The following DNM3 variants were observed in gnomAD, a reference collection of about 807,000 sequenced individuals.
DNM3 encodes dynamin 3.
A neutral mutation model predicts 101.6 loss-of-function variants in DNM3; 47 were observed. The ratio of observed to expected loss-of-function variants is 0.46; its 90% CI spans 0.37 to 0.59. DNM3 has a LOEUF of 0.59. DNM3 is among the 20% of genes least tolerant of loss of function. The pLI is 0.00. For missense variants in DNM3, 849 were observed against 1,085.7 expected, an observed-to-expected ratio of 0.78 and a Z score of 3.06; for synonymous variants, 385 against 387.9, an observed-to-expected ratio of 0.99 and a Z score of 0.09.
chr1:171,969,673 A>C (rs564835863), intron 2 of DNM3, among the ~76,000 whole-genome samples: 1 of 152,312 alleles, frequency 6.6e-6, no homozygotes, highest in Non-Finnish European at 1.5e-5. Context: ...TCAGCAAAAA[A>C]AGATTAAAGA....
chr1:171,882,758 G>C (rs577760337), intron 1 of DNM3, among the ~76,000 whole-genome samples: 1 of 152,008 alleles, frequency 6.6e-6, no homozygotes, highest in South Asian at 2.1e-4. Flanking sequence ...TATGCCACTT[G>C]TTTTATAGAC....
At chr1:172,179,650 T>G (rs2059275152) in intron 14 of DNM3, among the ~76,000 whole-genome samples, 1 of 151,816 alleles carries the variant, frequency 6.6e-6, no homozygotes, top group Non-Finnish European at 1.5e-5. Context: ...GGATCATTTC[T>G]GCTTGGATTA....
chr1:171,869,556 T>G (rs1268796951), intron 1 of DNM3, among the ~76,000 whole-genome samples: 1 of 152,260 alleles, frequency 6.6e-6, no homozygotes, highest in Non-Finnish European at 1.5e-5. Context: ...CCTGTACTAA[T>G]ATCCATATAG....
At chr1:172,251,686 A>C (rs1231395944) in intron 14 of DNM3, among the ~76,000 whole-genome samples, 1 of 152,128 alleles carries the variant, frequency 6.6e-6, no homozygotes, top group East Asian at 1.9e-4. Flanking sequence ...ACTTCTATAG[A>C]AAACAAGCCA....
intron 7 of DNM3, among the ~76,000 whole-genome samples, chr1:172,039,713 C>T (rs1361232106): frequency 6.6e-6 from 1 of 151,984 alleles, no homozygotes; most frequent in East Asian, 1.9e-4. Context: ...GATTCAGCTC[C>T]TTCTTTATGG....
intron 17 of DNM3, among the ~76,000 whole-genome samples, chr1:172,354,923 G>A (rs2067374649): frequency 6.6e-6 from 1 of 152,132 alleles, no homozygotes; most frequent in African/African-American, 2.4e-5. Flanking sequence ...AGTGAAAATG[G>A]TGAATCAAGA....
chr1:172,068,798 C>T lies in DNM3; in HGVS notation c.1336-21C>T, dbSNP rs750761436. On this transcript the variant is annotated intron_variant, in intron 10 of 20. Coordinates refer to ENST00000627582, the MANE Select transcript of DNM3 (RefSeq NM_015569.5). ...GTGTAACTTTTTGAGTATTAATACT[C>T]AGATCTGCTTTTCTTGACAGCTGGC... 2.1e-5 allele frequency: 33 copies of T among 1,551,530 alleles called. No individual in the cohort carries two copies. In the East Asian group the frequency reaches 7.9e-4, roughly 37 times the overall value.
chr1:172,072,748 A>T (rs571608582), intron 11 of DNM3, among the ~76,000 whole-genome samples: 36 of 152,306 alleles, frequency 2.4e-4, no homozygotes, highest in African/African-American at 8.4e-4. Flanking sequence ...TTAACTGGGC[A>T]TGATGGCAGG....
chr1:172,037,298 C>T (rs1264635469), intron 6 of DNM3, among the ~76,000 whole-genome samples: 1 of 152,094 alleles, frequency 6.6e-6, no homozygotes, highest in Non-Finnish European at 1.5e-5. Flanking sequence ...GGGTATATAC[C>T]CAAAGGACTA....
Position 172,085,637 on chromosome 1 carries a change from A to G in DNM3, c.1493+3735A>G, listed in dbSNP as rs143007555. On this transcript the variant is annotated intron_variant, in intron 12 of 20. Transcript: ENST00000627582. ...CCTGTTTTCTCACAGTTGAAATGAT[A>G]CAGTGTGCAGATTTCAGTTCTTGTT... 1.6e-4 allele frequency among the ~76,000 whole-genome samples: 24 copies of G among 152,248 alleles called. 2 individuals are homozygous for G. The East Asian group carries it at 4.6e-3, about 29-fold the overall frequency.
chr1:172,283,621 G>T (rs112061563), intron 15 of DNM3, among the ~76,000 whole-genome samples: 3,863 of 151,748 alleles, frequency 0.025, 170 homozygotes, highest in African/African-American at 0.088. Flanking sequence ...TTAGGCAGGC[G>T]TGGTGGCAGG....
intron 14 of DNM3, among the ~76,000 whole-genome samples, chr1:172,188,683 G>A (rs1032263309): frequency 3.8e-4 from 58 of 151,974 alleles, no homozygotes. Flanking sequence ...ATTCATTTGG[G>A]TGAATACCTA....
intron 14 of DNM3, among the ~76,000 whole-genome samples, chr1:172,158,021 A>G (rs10911125): frequency 6.6e-6 from 1 of 151,830 alleles, no homozygotes; most frequent in African/African-American, 2.4e-5. Flanking sequence ...GCATGATAAT[A>G]AAGTGCAAAC....
At chr1:172,297,160 A>G (rs2064208401) in intron 15 of DNM3, among the ~76,000 whole-genome samples, 1 of 150,762 alleles carries the variant, frequency 6.6e-6, no homozygotes, top group African/African-American at 2.5e-5. Flanking sequence ...AAAAAAAAAA[A>G]TAGCATCTTA....
rs560590857 is a variant in DNM3 at position 171,996,101 on chromosome 1, T to C, written c.589+6953T>C. On this transcript the variant is annotated intron_variant, in intron 4 of 20. Transcript: ENST00000627582. ...TTGGGATGTATTTACATATATTTTATATTAAGTTTCACATGAAATTATTCT... is the reference window on the plus strand; with the variant it reads ...TTGGGATGTATTTACATATATTTTACATTAAGTTTCACATGAAATTATTCT... Among the ~76,000 whole-genome samples, 3 of 152,292 alleles carry C rather than the reference T, an allele frequency of 2.0e-5. No homozygotes were observed. In the East Asian group the frequency reaches 5.8e-4, roughly 29 times the overall value.
At chr1:171,892,276 C>T (rs1210896902) in intron 1 of DNM3, among the ~76,000 whole-genome samples, 2 of 152,080 alleles carry the variant, frequency 1.3e-5, no homozygotes, top group Non-Finnish European at 1.5e-5. Context: ...CTATAATTGA[C>T]TATTTTTCCA....
At chr1:172,024,071 GT>G (rs1302125981) in intron 4 of DNM3, among the ~76,000 whole-genome samples, 2 of 151,750 alleles carry the variant, frequency 1.3e-5, no homozygotes, top group Admixed American at 6.6e-5. Flanking sequence ...TGATCAAGTT[GT>G]ATTCTGTATT....
intron 1 of DNM3, among the ~76,000 whole-genome samples, chr1:171,892,237 GA>G (rs1316804208): frequency 6.6e-6 from 1 of 151,900 alleles, no homozygotes; most frequent in Non-Finnish European, 1.5e-5. Context: ...GATGCTCCTG[GA>G]TCATCATCTA....
chr1:171,901,736 GT>G (rs1158079970), intron 1 of DNM3, among the ~76,000 whole-genome samples: 1 of 152,150 alleles, frequency 6.6e-6, no homozygotes, highest in African/African-American at 2.4e-5. Flanking sequence ...ATCAAGAAAT[GT>G]TTAAATACTC....
Sources: gnomAD v4.1 joint callset for allele counts (sites outside exome capture counted in the v4.1 genomes callset) on GRCh38, gnomAD v4.1.1 for gene constraint, MANE v1.5 for transcripts, NCBI Gene and HGNC (gene_info 2026-07-23, HGNC 2026-07-21) for gene names.